The following MPP7 variants were observed in gnomAD, a reference collection of about 807,000 sequenced individuals.
The protein encoded by MPP7 is MAGUK p55 subfamily member 7.
Under a neutral mutation model 76.5 loss-of-function variants are expected in MPP7, and 60 were observed. That is an observed-to-expected ratio of 0.78 (90% CI 0.64 to 0.97). MPP7 has a LOEUF of 0.97. Ranked by LOEUF, MPP7 falls within the 50% of genes least tolerant of loss-of-function variation. The pLI is 0.00. For synonymous variants in MPP7, 237 were observed against 244.5 expected (o/e 0.97, Z 0.29); for missense variants, 641 against 694.0 (o/e 0.92, Z 0.86).
chr10:28,125,002 A>G lies in MPP7; in HGVS notation c.529+8T>C. 6.2e-7 allele frequency: 1 copy of G among 1,612,670 alleles called. No homozygotes were observed. Among genetic ancestry groups the G allele is most frequent in the Non-Finnish European group, 8.5e-7 (1 of 1,178,662 alleles). ...TAGTCTGTACTTGGTTAACATTTAAAGTCTCACCACTTCTATCTGCAGCTC... is the reference window on the plus strand; with the variant it reads ...TAGTCTGTACTTGGTTAACATTTAAGGTCTCACCACTTCTATCTGCAGCTC... On this transcript the variant is annotated splice_region_variant and intron_variant, in intron 7 of 16. Transcript: ENST00000683449.
At chr10:28,167,230 GAACCCAGGAGGTGGAGGT>G (rs1187962073) in intron 3 of MPP7, among the ~76,000 whole-genome samples, 1 of 152,060 alleles carries the variant, frequency 6.6e-6, no homozygotes, top group Non-Finnish European at 1.5e-5. Flanking sequence ...AGAATCACTT[GAACCCAGGAGGTGGAGGT>G]TGCAGTGAGC....
intron 2 of MPP7, among the ~76,000 whole-genome samples, chr10:28,216,338 A>T (rs970456995): frequency 3.3e-4 from 50 of 152,280 alleles, no homozygotes; most frequent in African/African-American, 1.1e-3. Context: ...TTTAAAAACA[A>T]CTTTCAATAT....
chr10:28,119,700 T>G lies in MPP7; in HGVS notation c.903A>C (p.Arg301Ser). The change falls in exon 11 of 17, where the codon AGA (arginine) becomes AGC (serine). Residue 301 changes from arginine to serine, a missense_variant. By Grantham distance (110) the Arg-to-Ser change is moderately radical. Transcript: ENST00000683449. ...GGGGCTGAACCAATATTTCTGGTCG[T>G]CTCAAAGCCAATCTCCTGGGAGAAA... is the stretch of plus-strand genomic sequence containing the variant. ...KHFQERRLAL[R>S]RPEILVQPLK... 6.2e-7 allele frequency: 1 copy of G among 1,613,704 alleles called. No individual in the cohort carries two copies. The highest frequency in any genetic ancestry group is 8.5e-7 in the Non-Finnish European group (1 of 1,179,786).
At chr10:28,079,497 C>T (rs1852659252) in intron 12 of MPP7, among the ~76,000 whole-genome samples, 1 of 151,834 alleles carries the variant, frequency 6.6e-6, no homozygotes, top group African/African-American at 2.4e-5. Context: ...AAAAACAAAA[C>T]AAAAACAAAC....
chr10:28,099,927 T>G (rs1244183781), intron 11 of MPP7, among the ~76,000 whole-genome samples: 2 of 152,074 alleles, frequency 1.3e-5, no homozygotes, highest in Non-Finnish European at 2.9e-5. Context: ...ACATTTAAAT[T>G]CTTTTTTTCT....
chr10:28,189,635 G>A (rs1285298319), intron 3 of MPP7, among the ~76,000 whole-genome samples: 3 of 109,582 alleles, frequency 2.7e-5, no homozygotes, highest in African/African-American at 3.6e-5. Flanking sequence ...GCTAACTGTA[G>A]GGCAAGCACA....
At chr10:28,274,547 T>C (rs1387822610) in intron 1 of MPP7, among the ~76,000 whole-genome samples, 2 of 152,342 alleles carry the variant, frequency 1.3e-5, no homozygotes, top group African/African-American at 2.4e-5. Context: ...AATTTTCTGA[T>C]AGCCCTCTAA....
intron 1 of MPP7, among the ~76,000 whole-genome samples, chr10:28,294,604 T>C (rs1462003320): frequency 6.6e-6 from 1 of 152,200 alleles, no homozygotes; most frequent in Non-Finnish European, 1.5e-5. Flanking sequence ...CCTTCACTCC[T>C]TAAAAAGTAA....
At chr10:28,270,462 G>T (rs1315007472) in intron 1 of MPP7, among the ~76,000 whole-genome samples, 1 of 145,006 alleles carries the variant, frequency 6.9e-6, no homozygotes, top group East Asian at 2.1e-4. Flanking sequence ...GAGGCAGGAG[G>T]ATCACTTGAG....
At chr10:28,222,851 C>CAA (rs71908213) in intron 2 of MPP7, among the ~76,000 whole-genome samples, 7,536 of 117,460 alleles carry the variant, frequency 0.064, 269 homozygotes, top group African/African-American at 0.1. Flanking sequence ...GACTCCATCT[C>CAA]AAAAAAAAAA....
At chr10:28,149,518 T>C (rs143505010) in intron 4 of MPP7, among the ~76,000 whole-genome samples, 4 of 152,324 alleles carry the variant, frequency 2.6e-5, no homozygotes, top group Non-Finnish European at 4.4e-5. Flanking sequence ...CATTACTATG[T>C]TTTATAATCC....
chr10:28,082,433 CCTCCTTCCTCCTCCTTCCTT>C (rs1852808123), intron 12 of MPP7, among the ~76,000 whole-genome samples: 1 of 151,544 alleles, frequency 6.6e-6, no homozygotes, highest in African/African-American at 2.4e-5. Flanking sequence ...CTCTCCTTCT[CCTCCTTCCTCCTCCTTCCTT>C]ATCCTTCCTC....
At chr10:28,269,824 T>C (rs1840264404) in intron 1 of MPP7, among the ~76,000 whole-genome samples, 1 of 152,190 alleles carries the variant, frequency 6.6e-6, no homozygotes, top group South Asian at 2.1e-4. Context: ...ATAAAATTAA[T>C]AAGTAGTACT....
intron 1 of MPP7, among the ~76,000 whole-genome samples, chr10:28,243,391 C>A (rs1381078067): frequency 1.4e-5 from 2 of 141,968 alleles, no homozygotes; most frequent in African/African-American, 5.5e-5. Flanking sequence ...GTGGTATTAA[C>A]AAATGTGATT....
At position 28,069,731 on chromosome 10, in the gene MPP7, G is replaced by GT. The variant is rs749096593; in HGVS notation, c.1204+40dup. On this transcript the variant is annotated intron_variant, in intron 13 of 16. Coordinates refer to ENST00000683449, the MANE Select transcript of MPP7 (RefSeq NM_001318170.2). The stretch of plus-strand genomic sequence containing the variant: ...AATTTTTTAAAAATTTAAAATTATC[G>GT]TAAGTGTAGTCATAGGAACACTGAG... 665 of 1,420,642 alleles carry GT rather than the reference G, an allele frequency of 4.7e-4. 1 individual carries two copies. Among genetic ancestry groups the GT allele is most frequent in the Non-Finnish European group, 6.0e-4 (629 of 1,049,452 alleles). The allele number at this position is 1,420,642 out of a possible 1,614,324, so 88.0% of individuals were successfully genotyped here.
At chr10:28,171,709 C>A (rs1836686876) in intron 3 of MPP7, among the ~76,000 whole-genome samples, 1 of 152,164 alleles carries the variant, frequency 6.6e-6, no homozygotes, top group Non-Finnish European at 1.5e-5. Flanking sequence ...CTCAGATAAA[C>A]AAATCAAGGG....
At chr10:28,173,216 T>G in intron 3 of MPP7, among the ~76,000 whole-genome samples, 2 of 137,936 alleles carry the variant, frequency 1.4e-5, no homozygotes, top group African/African-American at 2.7e-5. Context: ...ACTCAATAGG[T>G]GAGTAGCGAT....
Position 28,174,475 on chromosome 10 carries a change from G to A in MPP7, c.157-24416C>T, listed in dbSNP as rs118106112. On this transcript the variant is annotated intron_variant, in intron 3 of 16. Coordinates refer to ENST00000683449, the MANE Select transcript of MPP7 (RefSeq NM_001318170.2). ...CATAGGACACGCATATGCCAGCTCC[G>A]CTTTGCCTTCCACTGAAAGTGGAAG... 9.2e-3 allele frequency among the ~76,000 whole-genome samples: 1,403 copies of A among 152,182 alleles called. 23 individuals carry two copies. The highest frequency in any genetic ancestry group is 0.056 in the East Asian group (289 of 5,158).
chr10:28,319,747 A>C (rs1834349141), intron 2 of MPP7, among the ~76,000 whole-genome samples: 1 of 152,152 alleles, frequency 6.6e-6, no homozygotes, highest in Non-Finnish European at 1.5e-5. Context: ...AGGCCAACGC[A>C]GGTGGATCAC....
Sources: gnomAD v4.1 joint callset for allele counts (sites outside exome capture counted in the v4.1 genomes callset) on GRCh38, gnomAD v4.1.1 for gene constraint, MANE v1.5 for transcripts, NCBI Gene and HGNC (gene_info 2026-07-23, HGNC 2026-07-21) for gene names.